DNAH3: variants seen among roughly 807,000 people sequenced by gnomAD.
The protein encoded by DNAH3 is axonemal beta dynein heavy chain 3.
DNAH3 carries 332 observed loss-of-function variants against 432.5 expected under a neutral mutation model. That is an observed-to-expected ratio of 0.77 (90% CI 0.70 to 0.84). DNAH3 has a LOEUF of 0.84. DNAH3 is among the 40% of genes least tolerant of loss of function. The pLI is 0.00. For missense variants in DNAH3, 4,861 were observed against 5,114.0 expected, an observed-to-expected ratio of 0.95 and a Z score of 1.51; for synonymous variants, 1,956 against 1,900.2, an observed-to-expected ratio of 1.03 and a Z score of -0.76.
chr16:20,982,255 G>A (rs185009427), intron 49 of DNAH3, among the ~76,000 whole-genome samples: 2 of 152,056 alleles, frequency 1.3e-5, no homozygotes, highest in African/African-American at 2.4e-5. Context: ...GTGATGGCAG[G>A]TGCCTGTAAT....
At chr16:21,030,613 G>A (rs984742502) in intron 37 of DNAH3, among the ~76,000 whole-genome samples, 5 of 152,142 alleles carry the variant, frequency 3.3e-5, no homozygotes, top group Non-Finnish European at 5.9e-5. Context: ...TAAGTATTAG[G>A]GTAGTTTGTT....
intron 31 of DNAH3, among the ~76,000 whole-genome samples, chr16:21,048,939 C>A (rs2089838719): frequency 6.6e-6 from 1 of 152,036 alleles, no homozygotes; most frequent in African/African-American, 2.4e-5. Context: ...GATGATCCAC[C>A]TGCCTTGGCC....
chr16:21,103,450 G>A (rs2091884317), intron 16 of DNAH3, among the ~76,000 whole-genome samples: 2 of 151,870 alleles, frequency 1.3e-5, no homozygotes, highest in African/African-American at 2.4e-5. Flanking sequence ...CTAAAACATA[G>A]TCTATTAATT....
chr16:21,048,340 T>TA (rs1348940238), intron 31 of DNAH3, among the ~76,000 whole-genome samples: 2 of 152,068 alleles, frequency 1.3e-5, no homozygotes, highest in African/African-American at 4.8e-5. Flanking sequence ...TCCGTGGGCG[T>TA]AGGACCCTCC....
chr16:21,065,381 G>A (rs543320615), intron 24 of DNAH3, among the ~76,000 whole-genome samples: 397 of 152,112 alleles, frequency 2.6e-3, no homozygotes, highest in Non-Finnish European at 4.6e-3. Context: ...GGCTGGTCTC[G>A]AACTCCCAGC....
intron 58 of DNAH3, among the ~76,000 whole-genome samples, chr16:20,941,885 C>T (rs2083826352): frequency 6.6e-6 from 1 of 152,030 alleles, no homozygotes; most frequent in Non-Finnish European, 1.5e-5. Context: ...TAGCGAAACC[C>T]AGTTTCTACA....
chr16:20,943,977 G>A (rs1310333880), intron 58 of DNAH3, among the ~76,000 whole-genome samples: 7 of 149,276 alleles, frequency 4.7e-5, no homozygotes, highest in Non-Finnish European at 8.9e-5. Context: ...GAGCCAAACC[G>A]TGTCTCAAAA....
At chr16:21,120,578 G>A (rs1052416181) in intron 11 of DNAH3, 14 of 650,882 alleles carry the variant, frequency 2.2e-5, no homozygotes, top group Admixed American at 6.8e-5. Context: ...TAAGGAGGAA[G>A]CTAGGGCTGT....
In DNAH3 at chr16:21,006,218, G is replaced by A. The variant is rs140098277; in HGVS notation, c.6023-3011C>T. 7.1e-3 allele frequency among the ~76,000 whole-genome samples: 1,081 copies of A among 151,876 alleles called. 16 individuals are homozygous for A. Among genetic ancestry groups the A allele is most frequent in the African/African-American group, 0.025 (1,039 of 41,410 alleles). On this transcript the variant is annotated intron_variant, in intron 41 of 61. Transcript: ENST00000261383. ...TCTAGCCTTGCATACTTTATTTCTC[G>A]CTGGTTCTAATTCACTTATTAGATC...
chr16:21,063,569 G>A (rs999167114), intron 24 of DNAH3, among the ~76,000 whole-genome samples: 1 of 145,862 alleles, frequency 6.9e-6, no homozygotes, highest in East Asian at 2.0e-4. Flanking sequence ...TTGAGACAGG[G>A]TCTGTCTCTG....
chr16:21,019,612 G>T lies in DNAH3; in HGVS notation c.6022+12C>A. 1.2e-6 allele frequency: 2 copies of T among 1,613,934 alleles called. No individual in the cohort carries two copies. The highest frequency in any genetic ancestry group is 1.7e-6 in the Non-Finnish European group (2 of 1,179,946). Reference sequence around the variant, plus strand: ...TATTATACTAGAACATAACAAACAGGTTCTAAATTACCTCTTTCTGGAAAG... The same window carrying T: ...TATTATACTAGAACATAACAAACAGTTTCTAAATTACCTCTTTCTGGAAAG... On this transcript the variant is annotated intron_variant, in intron 41 of 61. Transcript: ENST00000261383.
chr16:21,159,011 C>G (rs1221773322), intron 1 of DNAH3, among the ~76,000 whole-genome samples: 1 of 151,758 alleles, frequency 6.6e-6, no homozygotes, highest in East Asian at 1.9e-4. Flanking sequence ...AACACACACA[C>G]ACATACACAC....
chr16:21,012,727 A>G (rs949426433), intron 41 of DNAH3, among the ~76,000 whole-genome samples: 1 of 152,216 alleles, frequency 6.6e-6, no homozygotes, highest in African/African-American at 2.4e-5. Flanking sequence ...ACATTCACCA[A>G]GATAGAATGC....
intron 19 of DNAH3, among the ~76,000 whole-genome samples, chr16:21,085,229 C>T (rs9929992): frequency 0.42 from 63,806 of 151,508 alleles, 13,764 homozygotes; most frequent in South Asian, 0.55. Context: ...TTTTAAAAAT[C>T]AATTAATTAA....
intron 39 of DNAH3, among the ~76,000 whole-genome samples, chr16:21,023,465 T>C (rs2088360328): frequency 6.6e-6 from 1 of 152,112 alleles, no homozygotes; most frequent in Admixed American, 6.5e-5. Context: ...GAAGCCTTCC[T>C]GGAGGAGGAG....
intron 52 of DNAH3, among the ~76,000 whole-genome samples, chr16:20,969,463 C>T (rs1567551110): frequency 6.6e-6 from 1 of 152,088 alleles, no homozygotes; most frequent in Non-Finnish European, 1.5e-5. Context: ...TCCTGGTCAC[C>T]CACACGTGAC....
At chr16:20,991,364 C>G (rs1230354141) in intron 44 of DNAH3, among the ~76,000 whole-genome samples, 2 of 152,006 alleles carry the variant, frequency 1.3e-5, no homozygotes, top group Non-Finnish European at 2.9e-5. Flanking sequence ...CTCCCAGGTT[C>G]AAGTGATTCT....
At chr16:21,062,310 A>G (rs2090387116) in intron 25 of DNAH3, among the ~76,000 whole-genome samples, 172 bp downstream of exon 25, 1 of 152,172 alleles carries the variant, frequency 6.6e-6, no homozygotes, top group Non-Finnish European at 1.5e-5. Context: ...AGATGGGTAC[A>G]CTGAGACTCA....
At chr16:21,019,661 G>A (rs568542661) in exon 41 of DNAH3, 14 of 1,614,062 alleles carry the variant, frequency 8.7e-6, no homozygotes, top group Admixed American at 6.7e-5. Flanking sequence ...TGAGTTTGAC[G>A]CTTTTGGGCC....
Sources: gnomAD v4.1 joint callset for allele counts (sites outside exome capture counted in the v4.1 genomes callset) on GRCh38, gnomAD v4.1.1 for gene constraint, MANE v1.5 for transcripts, NCBI Gene and HGNC (gene_info 2026-07-23, HGNC 2026-07-21) for gene names.